PARD3B: variants seen among roughly 807,000 people sequenced by gnomAD.
PARD3B encodes par-3 family cell polarity regulator beta.
A neutral mutation model predicts 130.2 loss-of-function variants in PARD3B; 103 were observed. The ratio of observed to expected loss-of-function variants is 0.79; its 90% CI spans 0.67 to 0.93. The LOEUF (loss-of-function observed/expected upper bound fraction) is 0.93, where lower values mean the gene tolerates loss of function less well. PARD3B is among the 40% of genes least tolerant of loss of function. PARD3B has a pLI of 0.00. For synonymous variants in PARD3B, 583 were observed against 553.2 expected (o/e 1.05, Z -0.76); for missense variants, 1,609 against 1,499.2 (o/e 1.07, Z -1.21).
Position 205,525,503 on chromosome 2 carries a change from C to T in PARD3B, c.3180+25472C>T, listed in dbSNP as rs535129170. On this transcript the variant is annotated intron_variant, in intron 21 of 22. Coordinates refer to ENST00000406610, the MANE Select transcript of PARD3B (RefSeq NM_001302769.2). The surrounding 1 kb of genome is among the most constrained non-coding windows in gnomAD (Gnocchi z 4.2). ...AAAAAGGTTTAATTTTTTCTGTCAACGTGCATTGTTGTAATTATTAAAGAT... is the reference window on the plus strand; with the variant it reads ...AAAAAGGTTTAATTTTTTCTGTCAATGTGCATTGTTGTAATTATTAAAGAT... Among the ~76,000 whole-genome samples the T allele has an allele frequency of 3.8e-4, 58 of 152,142 alleles. No individual in the cohort carries two copies. The highest frequency in any genetic ancestry group is 1.4e-3 in the African/African-American group (57 of 41,492).
chr2:205,312,342 T>A (rs903812746), intron 18 of PARD3B, among the ~76,000 whole-genome samples: 3 of 152,192 alleles, frequency 2.0e-5, no homozygotes, highest in African/African-American at 7.2e-5. Flanking sequence ...GAGGCCGGTT[T>A]GAAACATGAA....
chr2:204,750,956 T>G (rs2040443682), intron 2 of PARD3B, among the ~76,000 whole-genome samples: 1 of 152,174 alleles, frequency 6.6e-6, no homozygotes, highest in African/African-American at 2.4e-5. Context: ...CTCAGTACAT[T>G]GACACAGCTT....
rs1324529409 is a variant in PARD3B, at chr2:205,591,805, G to A, written c.3261-23651G>A. Among the ~76,000 whole-genome samples, 1 of 152,226 alleles carries A rather than the reference G, an allele frequency of 6.6e-6. No homozygotes were observed. The highest frequency in any genetic ancestry group is 6.5e-5 in the Admixed American group (1 of 15,288). On this transcript the variant is annotated intron_variant, in intron 22 of 22. Coordinates refer to ENST00000406610, the MANE Select transcript of PARD3B (RefSeq NM_001302769.2). This position sits in a 1 kb window ranked among gnomAD's most constrained non-coding sequence, Gnocchi z 4.2. ...GGTTCAGGTCACTGAAGAAAAGGAA[G>A]CTGTCCGGTTTGGATAAAAATTCAA... is the stretch of plus-strand genomic sequence containing the variant.
At chr2:204,662,231 TTTA>T (rs760989260) in intron 1 of PARD3B, among the ~76,000 whole-genome samples, 14 of 152,322 alleles carry the variant, frequency 9.2e-5, no homozygotes, top group Non-Finnish European at 1.9e-4. Context: ...AATCATTGCA[TTTA>T]TTAATATTAC....
At position 204,634,217 on chromosome 2, in the gene PARD3B, C is replaced by T. The variant is rs2034791740; in HGVS notation, c.121-51964C>T. 3.3e-5 allele frequency among the ~76,000 whole-genome samples: 5 copies of T among 152,200 alleles called. No individual in the cohort carries two copies. In the South Asian group the frequency reaches 1.0e-3, roughly 32 times the overall value. ...AGTTCAATTGTTTTGATTTTTAGAT[C>T]CCACAAATAAGTGAGAACATGCGAT... On this transcript the variant is annotated intron_variant, in intron 1 of 22. Coordinates refer to ENST00000406610, the MANE Select transcript of PARD3B (RefSeq NM_001302769.2).
At chr2:204,626,033 A>T (rs2034475160) in intron 1 of PARD3B, among the ~76,000 whole-genome samples, 1 of 152,212 alleles carries the variant, frequency 6.6e-6, no homozygotes, top group African/African-American at 2.4e-5. Flanking sequence ...TATTTCTGGC[A>T]TAAAGACTCA....
In PARD3B at chr2:204,623,979, T is replaced by C. The variant is rs1363179883; in HGVS notation, c.121-62202T>C. ...TCTGTCCATGTCATTGGCAGGACTT[T>C]CTTTTTAGAGGCTGCATAATATTCC... On this transcript the variant is annotated intron_variant, in intron 1 of 22. Coordinates refer to ENST00000406610, the MANE Select transcript of PARD3B (RefSeq NM_001302769.2). This position sits in a 1 kb window ranked among gnomAD's most constrained non-coding sequence, Gnocchi z 4.5. Among the ~76,000 whole-genome samples the C allele has an allele frequency of 6.6e-6, 1 of 152,212 alleles. No homozygotes were observed. Among genetic ancestry groups the C allele is most frequent in the Admixed American group, 6.5e-5 (1 of 15,274 alleles).
intron 1 of PARD3B, among the ~76,000 whole-genome samples, chr2:204,633,455 G>C (rs1405331440): frequency 2.0e-5 from 3 of 152,108 alleles, no homozygotes; most frequent in Non-Finnish European, 4.4e-5. Flanking sequence ...TCTAAAAACA[G>C]TTAATTTAAT....
At chr2:204,900,371 C>T (rs1191752142) in intron 2 of PARD3B, among the ~76,000 whole-genome samples, 4 of 152,064 alleles carry the variant, frequency 2.6e-5, no homozygotes, top group Middle Eastern at 3.2e-3. Context: ...CTAATTATTT[C>T]TCTGCTTGAT....
intron 18 of PARD3B, among the ~76,000 whole-genome samples, chr2:205,376,981 C>T (rs561708789): frequency 2.9e-4 from 44 of 152,256 alleles, no homozygotes; most frequent in African/African-American, 1.0e-3. Context: ...AATGCTGTTA[C>T]GGCCTCCAAG....
At chr2:205,076,614 T>C (rs1387874785) in intron 4 of PARD3B, among the ~76,000 whole-genome samples, 1 of 152,186 alleles carries the variant, frequency 6.6e-6, no homozygotes, top group African/African-American at 2.4e-5. Flanking sequence ...AAGAAAGCAC[T>C]GCCTGCGCTC....
At chr2:205,250,820 T>C (rs1281208475) in intron 16 of PARD3B, among the ~76,000 whole-genome samples, 1 of 152,032 alleles carries the variant, frequency 6.6e-6, no homozygotes, top group Non-Finnish European at 1.5e-5. Context: ...TCCCAGCTAC[T>C]TGGAAGCCTG....
At position 205,105,284 on chromosome 2, in the gene PARD3B, G is replaced by T. The variant is rs1703119796; in HGVS notation, c.593+770G>T. 6.6e-6 allele frequency among the ~76,000 whole-genome samples: 1 copy of T among 152,170 alleles called. No homozygotes were observed. The highest frequency in any genetic ancestry group is 2.4e-5 in the African/African-American group (1 of 41,446). The stretch of plus-strand genomic sequence containing the variant: ...CAGTGTTGTGGTTAGGATAAATCCT[G>T]TGAGTGTTTGCTGCTGTTTCTACTA... On this transcript the variant is annotated intron_variant, in intron 5 of 22. Coordinates refer to ENST00000406610, the MANE Select transcript of PARD3B (RefSeq NM_001302769.2). The surrounding 1 kb of genome is among the most constrained non-coding windows in gnomAD (Gnocchi z 4.0).
intron 3 of PARD3B, among the ~76,000 whole-genome samples, chr2:204,988,896 A>C (rs1461602104): frequency 1.3e-5 from 2 of 152,182 alleles, no homozygotes; most frequent in East Asian, 3.8e-4. Flanking sequence ...TCTATTTAAC[A>C]ATGAAAAGAA....
At chr2:204,994,811 A>C (rs1392659724) in intron 3 of PARD3B, among the ~76,000 whole-genome samples, 1 of 149,626 alleles carries the variant, frequency 6.7e-6, no homozygotes, top group Admixed American at 6.6e-5. Context: ...CTCTTGTTGA[A>C]TTGATCCCTT....
chr2:205,119,351 T>G (rs2030353182), intron 7 of PARD3B, among the ~76,000 whole-genome samples: 2 of 152,146 alleles, frequency 1.3e-5, no homozygotes, highest in South Asian at 4.1e-4. Flanking sequence ...AAACTGGTAT[T>G]TAACGGCTCT....
rs943765395 is a variant in PARD3B at position 205,105,295 on chromosome 2, C to T, written c.593+781C>T. Among the ~76,000 whole-genome samples the T allele has an allele frequency of 2.6e-5, 4 of 152,276 alleles. No homozygotes were observed. Among genetic ancestry groups the T allele is most frequent in the African/African-American group, 9.6e-5 (4 of 41,562 alleles). ...TTAGGATAAATCCTGTGAGTGTTTG[C>T]TGCTGTTTCTACTACTATCATTAAT... On this transcript the variant is annotated intron_variant, in intron 5 of 22. Coordinates refer to ENST00000406610, the MANE Select transcript of PARD3B (RefSeq NM_001302769.2). The surrounding 1 kb of genome is among the most constrained non-coding windows in gnomAD (Gnocchi z 4.0).
At chr2:205,065,096 G>C (rs147557910) in intron 4 of PARD3B, among the ~76,000 whole-genome samples, 42 of 152,302 alleles carry the variant, frequency 2.8e-4, no homozygotes, top group African/African-American at 2.2e-4. Context: ...ATAAAGAAAG[G>C]CTGGACCTGG....
At chr2:205,259,519 C>A (rs2040220116) in intron 16 of PARD3B, among the ~76,000 whole-genome samples, 1 of 152,146 alleles carries the variant, frequency 6.6e-6, no homozygotes, top group Admixed American at 6.6e-5. Flanking sequence ...TTCACTTTCA[C>A]TACAGTCTAG....
Sources: allele counts gnomAD v4.1 joint callset (sites outside exome capture counted in the v4.1 genomes callset), GRCh38; gene constraint gnomAD v4.1.1; non-coding constraint Gnocchi (gnomAD v3.1); transcripts MANE v1.5; gene names NCBI Gene and HGNC (gene_info 2026-07-23, HGNC 2026-07-21).